Variants in SCARA5 observed in about 807,000 individuals in gnomAD.
SCARA5 encodes scavenger receptor class A, member 5 (putative).
SCARA5 carries 45 observed loss-of-function variants against 46.3 expected under a neutral mutation model. That is an observed-to-expected ratio of 0.97 (90% CI 0.76 to 1.24). The LOEUF (loss-of-function observed/expected upper bound fraction) is 1.24, where lower values mean the gene tolerates loss of function less well. Among genes scored for constraint, SCARA5 ranks in the 50% most tolerant of loss-of-function variants. SCARA5 has a pLI of 0.00. For synonymous variants in SCARA5, 333 were observed against 306.5 expected (o/e 1.09, Z -0.90); for missense variants, 680 against 689.0 (o/e 0.99, Z 0.15).
chr8:27,949,271 G>A (rs1294533486), intron 3 of SCARA5, among the ~76,000 whole-genome samples: 1 of 152,258 alleles, frequency 6.6e-6, no homozygotes, highest in East Asian at 1.9e-4. Flanking sequence ...GTGAGACGGA[G>A]CTCTTGACCA....
At chr8:27,909,610 T>C in intron 5 of SCARA5, 53 bp downstream of exon 5, 6 of 1,247,648 alleles carry the variant, frequency 4.8e-6, no homozygotes, top group Non-Finnish European at 6.9e-6. Context: ...AAGTAGCGGG[T>C]AGAGATGGAT....
chr8:27,904,822 G>C lies in SCARA5; in HGVS notation c.1109C>G (p.Pro370Arg). The change falls in exon 7 of 9, where the codon CCA becomes CGA. Residue 370 changes from proline to arginine, a missense_variant. By Grantham distance (103) the Pro-to-Arg change is moderately radical (BLOSUM62 -2). This residue lies in a region of SCARA5 where 219 missense variants were observed against 269.5 expected (regional missense o/e 0.81). Transcript: ENST00000354914. ...TCCTTTCTCTCCTTTCTCTCCTTTT[G>C]GGCCTCGGTCACCTAAAACAGAGGA... Reference protein sequence around the residue: ...GMRGFKGDRGPKGEKGEKGDR... With the variant: ...GMRGFKGDRGRKGEKGEKGDR... 1.2e-6 allele frequency: 2 copies of C among 1,610,980 alleles called. No individual in the cohort carries two copies. The highest frequency in any genetic ancestry group is 1.7e-6 in the Non-Finnish European group (2 of 1,178,434).
At chr8:27,926,980 G>A (rs998987471) in intron 3 of SCARA5, among the ~76,000 whole-genome samples, 1 of 152,292 alleles carries the variant, frequency 6.6e-6, no homozygotes, top group Middle Eastern at 3.4e-3. Context: ...TTCTCAAACT[G>A]GGATCTTGAG....
intron 5 of SCARA5, among the ~76,000 whole-genome samples, chr8:27,908,426 G>A (rs890569013): frequency 1.4e-4 from 21 of 152,310 alleles, no homozygotes; most frequent in African/African-American, 4.8e-4. Context: ...TGGCCTAAGC[G>A]TGTAGTTATC....
At chr8:27,909,283 G>A (rs994555125) in intron 5 of SCARA5, among the ~76,000 whole-genome samples, 8 of 152,114 alleles carry the variant, frequency 5.3e-5, no homozygotes, top group Non-Finnish European at 1.2e-4. Flanking sequence ...GGGGCGGGAG[G>A]GTGGCAGGTA....
chr8:27,897,688 T>TAAA (rs140998811), intron 7 of SCARA5, among the ~76,000 whole-genome samples: 1 of 151,890 alleles, frequency 6.6e-6, no homozygotes, highest in Non-Finnish European at 1.5e-5. Context: ...GCAACACACA[T>TAAA]AAGAACAGGG....
intron 3 of SCARA5, among the ~76,000 whole-genome samples, chr8:27,947,363 T>C (rs1000448095): frequency 6.6e-6 from 1 of 152,176 alleles, no homozygotes; most frequent in African/African-American, 2.4e-5. Context: ...GGGCAAGAGA[T>C]TCTGCTTCTG....
At chr8:27,961,659 G>A (rs1013667587) in intron 3 of SCARA5, among the ~76,000 whole-genome samples, 1 of 152,130 alleles carries the variant, frequency 6.6e-6, no homozygotes, top group Non-Finnish European at 1.5e-5. Context: ...ACTCAGACAG[G>A]CTGGCTCCAA....
At chr8:27,943,176 G>T (rs745470206) in intron 3 of SCARA5, among the ~76,000 whole-genome samples, 2 of 152,130 alleles carry the variant, frequency 1.3e-5, no homozygotes, top group Non-Finnish European at 2.9e-5. Context: ...AACTAATGAG[G>T]GTACCCCACA....
chr8:27,902,402 G>A (rs1378694468), intron 7 of SCARA5, among the ~76,000 whole-genome samples: 2 of 152,130 alleles, frequency 1.3e-5, no homozygotes, highest in Admixed American at 1.3e-4. Context: ...CTGGCCTCAG[G>A]GCCCAACCCC....
chr8:27,906,709 G>C lies in SCARA5; in HGVS notation c.1096+439C>G, dbSNP rs1807268409. On this transcript the variant is annotated intron_variant, in intron 6 of 8. Transcript: ENST00000354914. The stretch of plus-strand genomic sequence containing the variant: ...AGGATTTCTAGATTTTTGTGTGTGT[G>C]TTTTATTTTGTTTTAGAGATGAGCT... Among the ~76,000 whole-genome samples the C allele has an allele frequency of 2.0e-5, 3 of 152,296 alleles. No individual in the cohort carries two copies. In the South Asian group the frequency reaches 6.2e-4, roughly 32 times the overall value.
intron 1 of SCARA5, among the ~76,000 whole-genome samples, chr8:27,989,021 C>T (rs1585531500): frequency 2.0e-5 from 3 of 150,360 alleles, no homozygotes; most frequent in Admixed American, 6.6e-5. Context: ...TGGCAACTTT[C>T]ATAAATAGAC....
intron 3 of SCARA5, among the ~76,000 whole-genome samples, chr8:27,923,724 T>C (rs888318526): frequency 3.3e-5 from 5 of 152,068 alleles, no homozygotes; most frequent in African/African-American, 1.2e-4. Flanking sequence ...TACAGGTGCA[T>C]GCCACCACTC....
chr8:27,960,912 G>A (rs912595420), intron 3 of SCARA5, among the ~76,000 whole-genome samples: 3 of 152,142 alleles, frequency 2.0e-5, no homozygotes, highest in African/African-American at 4.8e-5. Flanking sequence ...TGTGTGTACT[G>A]GTTGTGTAGG....
intron 2 of SCARA5, among the ~76,000 whole-genome samples, chr8:27,972,416 C>T (rs1808462551): frequency 6.6e-6 from 1 of 152,116 alleles, no homozygotes; most frequent in Non-Finnish European, 1.5e-5. Context: ...GCATCTTGAA[C>T]ACCACTATGC....
chr8:27,965,196 A>AC (rs1808349992), intron 3 of SCARA5, among the ~76,000 whole-genome samples: 1 of 152,078 alleles, frequency 6.6e-6, no homozygotes, highest in African/African-American at 2.4e-5. Flanking sequence ...AGCATTGAAC[A>AC]CCCCATTACA....
chr8:27,918,155 G>A (rs1472560249), intron 4 of SCARA5, among the ~76,000 whole-genome samples: 1 of 152,174 alleles, frequency 6.6e-6, no homozygotes, highest in East Asian at 1.9e-4. Context: ...CACCTGAAAA[G>A]GGGGTATTTC....
In SCARA5 at chr8:27,871,948, A is replaced by G. The variant is rs1448597582; in HGVS notation, c.1474T>C (p.Cys492Arg). Residue 492 changes from cysteine (C) to arginine (R), a missense_variant, in exon 9 of 9, where the codon TGC becomes CGC. Physicochemically the swap from Cys to Arg is radical, Grantham distance 180. Around this residue, in one of 3 missense-constraint regions of SCARA5, gnomAD observed 219 missense variants for 269.5 expected, o/e 0.81. Transcript: ENST00000354914. Reference protein sequence around the residue: ...CGHAEDASVTCNRH With the variant: ...CGHAEDASVTRNRH ...TCTGCCCACTTTCAGTGTCTGTTGCATGTCACGCTGGCATCTTCGGCATGT... is the reference window on the plus strand; with the variant it reads ...TCTGCCCACTTTCAGTGTCTGTTGCGTGTCACGCTGGCATCTTCGGCATGT... 6.2e-7 allele frequency: 1 copy of G among 1,614,178 alleles called. No individual in the cohort carries two copies. Among genetic ancestry groups the G allele is most frequent in the South Asian group, 1.1e-5 (1 of 91,090 alleles).
At chr8:27,978,322 C>T (rs1411486871) in intron 2 of SCARA5, among the ~76,000 whole-genome samples, 4 of 151,824 alleles carry the variant, frequency 2.6e-5, no homozygotes, top group African/African-American at 4.8e-5. Flanking sequence ...TGAGCCACCA[C>T]ACCTGGCCAG....
Sources: allele counts gnomAD v4.1 joint callset (sites outside exome capture counted in the v4.1 genomes callset), GRCh38; gene constraint gnomAD v4.1.1; regional missense constraint gnomAD v4.1.1; transcripts MANE v1.5; gene names NCBI Gene and HGNC (gene_info 2026-07-23, HGNC 2026-07-21).